Variants in TRPM7 observed in about 807,000 individuals in gnomAD.
TRPM7 encodes the protein LTRPC ion channel family member 7.
TRPM7 carries 134 observed loss-of-function variants against 229.7 expected under a neutral mutation model. The observed-to-expected ratio is 0.58, with a 90% CI of 0.51 to 0.67. The LOEUF (loss-of-function observed/expected upper bound fraction) is 0.67, where lower values mean the gene tolerates loss of function less well. Ranked by LOEUF, TRPM7 falls within the 30% of genes least tolerant of loss-of-function variation. TRPM7 has a pLI of 0.00. For missense variants in TRPM7, 1,901 were observed against 2,210.0 expected (o/e 0.86, Z 2.80); for synonymous variants, 699 against 715.2 (o/e 0.98, Z 0.36).
Position 50,592,154 on chromosome 15 carries a change from A to G in TRPM7, c.4081T>C (p.Ser1361Pro). The stretch of plus-strand genomic sequence containing the variant: ...AGTCTCTGTCGCAGTTCTGGAGGGG[A>G]AACAGCACTTGGGAATAAGGCACCA... ...SSGALFPSAV[S>P]PPELRQRLHG... Residue 1361 changes from serine (S) to proline (P), a missense_variant, in exon 26 of 39, where the codon TCC becomes CCC. Coordinates refer to ENST00000646667, the MANE Select transcript of TRPM7 (RefSeq NM_017672.6). The G allele has an allele frequency of 6.2e-7, 1 of 1,613,946 alleles. No individual in the cohort carries two copies. The highest frequency in any genetic ancestry group is 8.5e-7 in the Non-Finnish European group (1 of 1,179,944).
chr15:50,576,474 C>A (rs535697936), intron 31 of TRPM7, among the ~76,000 whole-genome samples: 1 of 152,194 alleles, frequency 6.6e-6, no homozygotes, highest in African/African-American at 2.4e-5. Context: ...AGTTAGCCAA[C>A]AGTTTTAATA....
At chr15:50,589,794 G>C (rs1017630809) in intron 26 of TRPM7, 138 bp from the exon 27 acceptor site, 4 of 513,484 alleles carry the variant, frequency 7.8e-6, no homozygotes, top group South Asian at 3.0e-5. Context: ...GTCTCCTTTA[G>C]CTCTTTTGAT....
At chr15:50,644,861 G>A (rs1025249958) in intron 4 of TRPM7, among the ~76,000 whole-genome samples, 3 of 149,190 alleles carry the variant, frequency 2.0e-5, no homozygotes, top group African/African-American at 5.0e-5. Flanking sequence ...CCATAAAACT[G>A]AGTAGAAGAC....
At chr15:50,634,077 G>C (rs565138943) in intron 8 of TRPM7, among the ~76,000 whole-genome samples, 1 of 152,258 alleles carries the variant, frequency 6.6e-6, no homozygotes, top group East Asian at 1.9e-4. Context: ...CCAGCACTTT[G>C]GGAGGCTGAG....
chr15:50,588,134 A>G, intron 27 of TRPM7: 2 of 738,138 alleles, frequency 2.7e-6, no homozygotes, highest in Non-Finnish European at 3.3e-6. Context: ...ATCTAAAAGC[A>G]CATGGGTATA....
At position 50,592,460 on chromosome 15, in the gene TRPM7, T is replaced by C; in HGVS notation, c.3775A>G (p.Lys1259Glu). 2 of 1,614,212 alleles carry C rather than the reference T, an allele frequency of 1.2e-6. No homozygotes were observed. The highest frequency in any genetic ancestry group is 1.7e-6 in the Non-Finnish European group (2 of 1,180,038). Residue 1259 changes from lysine (K) to glutamate (E), a missense_variant, in exon 26 of 39, where the codon AAA becomes GAA. Lys to Glu is a moderately conservative substitution (Grantham distance 56). Transcript: ENST00000646667. ...LTAQKASEAS[K>E]VHNEITRELS... ...TCTCGTGTGATTTCATTATGAACTT[T>C]GCTAGCTTCCGACGCTTTCTGGGCA...
intron 9 of TRPM7, among the ~76,000 whole-genome samples, chr15:50,632,342 T>A (rs1320881604): frequency 6.6e-6 from 1 of 152,078 alleles, no homozygotes; most frequent in Non-Finnish European, 1.5e-5. Context: ...AACATTATTA[T>A]ACAAAATTTT....
intron 38 of TRPM7, 62 bp downstream of exon 38, chr15:50,569,825 G>A (rs867221524): frequency 9.7e-7 from 1 of 1,027,656 alleles, no homozygotes; most frequent in African/African-American, 1.6e-5. Context: ...GGCCTTATGA[G>A]GTATTGTAGT....
Position 50,559,754 on chromosome 15 carries a change from G to T in TRPM7, c.*1924C>A, listed in dbSNP as rs2053239634. 1 of 152,006 alleles carries T rather than the reference G, an allele frequency of 6.6e-6. No individual in the cohort carries two copies. Among genetic ancestry groups the T allele is most frequent in the Non-Finnish European group, 1.5e-5 (1 of 67,988 alleles). The allele number at this position is 152,006 out of a possible 1,614,324, so 9.4% of individuals were successfully genotyped here. The stretch of plus-strand genomic sequence containing the variant: ...TACTTAGAGTAATGTCTGGTACACA[G>T]TAGGCACTAAATAAGTGTTAGCAGC... On this transcript the variant is annotated 3_prime_UTR_variant, in exon 39 of 39. Transcript: ENST00000646667.
chr15:50,604,791 T>C (rs2059879041), intron 21 of TRPM7, 75 bp downstream of exon 21: 2 of 1,381,772 alleles, frequency 1.4e-6, no homozygotes. Flanking sequence ...CAAATAAAAC[T>C]ATGTTAATAA....
chr15:50,612,746 A>G lies in TRPM7; in HGVS notation c.1854T>C (p.Phe618=). The G allele has an allele frequency of 6.2e-7, 1 of 1,614,152 alleles. No homozygotes were observed. The highest frequency in any genetic ancestry group is 8.5e-7 in the Non-Finnish European group (1 of 1,180,020). ...VDIDDPETKR[F]PYPLNELLIW... ...TTAAAAGTTCATTAAGTGGATAAGG[A>G]AAGCGCTTGGTTTCTGGATCATCAA... The change falls in exon 16 of 39, where the codon TTT becomes TTC. Residue 618 remains phenylalanine, a synonymous_variant. Transcript: ENST00000646667.
At chr15:50,582,279 T>C (rs2054458355) in intron 29 of TRPM7, among the ~76,000 whole-genome samples, 1 of 152,098 alleles carries the variant, frequency 6.6e-6, no homozygotes, top group South Asian at 2.1e-4. Flanking sequence ...TTTTTTTTTA[T>C]TTCTAGTTTT....
intron 29 of TRPM7, among the ~76,000 whole-genome samples, chr15:50,582,106 C>A (rs1020320754): frequency 6.6e-6 from 1 of 152,104 alleles, no homozygotes; most frequent in African/African-American, 2.4e-5. Flanking sequence ...GAATTACAGG[C>A]ATGTGCCACC....
chr15:50,633,004 G>A lies in TRPM7; in HGVS notation c.1008-12C>T, dbSNP rs757789032. On this transcript the variant is annotated splice_polypyrimidine_tract_variant and intron_variant, in intron 8 of 38. Coordinates refer to ENST00000646667, the MANE Select transcript of TRPM7 (RefSeq NM_017672.6). ...CATCAGGAAGATTCCTGGAATAAAA[G>A]GAAACATAATTCACTGATTTCATCT... 1.0e-5 allele frequency: 16 copies of A among 1,577,932 alleles called. No individual in the cohort carries two copies. Among genetic ancestry groups the A allele is most frequent in the Admixed American group, 4.0e-5 (2 of 50,094 alleles).
At chr15:50,563,840 T>C (rs1041080861) in intron 38 of TRPM7, among the ~76,000 whole-genome samples, 1 of 152,178 alleles carries the variant, frequency 6.6e-6, no homozygotes, top group Non-Finnish European at 1.5e-5. Context: ...AGTGACAGTG[T>C]ATTTTATGTG....
At chr15:50,645,399 G>A (rs753876626) in intron 4 of TRPM7, among the ~76,000 whole-genome samples, 19 of 151,794 alleles carry the variant, frequency 1.3e-4, no homozygotes, top group Non-Finnish European at 2.5e-4. Flanking sequence ...CCGCTCTGTC[G>A]CCCAGGCTGG....
chr15:50,666,878 T>C (rs2061896994), intron 1 of TRPM7, among the ~76,000 whole-genome samples: 1 of 152,194 alleles, frequency 6.6e-6, no homozygotes, highest in Admixed American at 6.6e-5. Flanking sequence ...AATTGAAAGA[T>C]AAAGAAGAAA....
chr15:50,648,986 T>G (rs2061344131), intron 3 of TRPM7, 101 bp from the exon 4 acceptor site: 5 of 747,010 alleles, frequency 6.7e-6, no homozygotes, highest in Non-Finnish European at 9.9e-6. Flanking sequence ...GCTTTAAAAT[T>G]TTTATATTTT....
intron 13 of TRPM7, among the ~76,000 whole-genome samples, chr15:50,616,610 A>T (rs2060228430): frequency 6.6e-6 from 1 of 152,170 alleles, no homozygotes. Context: ...TTTTCGAAGT[A>T]TTATAAATGC....
Sources: allele counts gnomAD v4.1 joint callset (sites outside exome capture counted in the v4.1 genomes callset), GRCh38; gene constraint gnomAD v4.1.1; transcripts MANE v1.5; gene names NCBI Gene and HGNC (gene_info 2026-07-23, HGNC 2026-07-21).